The following OTULIN variants were observed in gnomAD, a reference collection of about 807,000 sequenced individuals.
OTULIN encodes the protein ubiquitin thioesterase otulin.
A neutral mutation model predicts 39.6 loss-of-function variants in OTULIN; 15 were observed. The observed-to-expected ratio is 0.38, with a 90% CI of 0.25 to 0.58. The LOEUF (loss-of-function observed/expected upper bound fraction) is 0.58. Ranked by LOEUF, OTULIN falls within the 20% of genes least tolerant of loss-of-function variation. The pLI, the probability that OTULIN is intolerant of heterozygous loss-of-function variation, is 0.66. For missense variants in OTULIN, 319 were observed against 445.9 expected (o/e 0.72, Z 2.56); for synonymous variants, 156 against 170.3 (o/e 0.92, Z 0.65).
the OTULIN span, among the ~76,000 whole-genome samples, chr5:14,712,523 C>T: frequency 6.6e-6 from 1 of 152,254 alleles, no homozygotes; most frequent in African/African-American, 2.4e-5. Context: ...GTATCACTGT[C>T]CCCTCTCCCA....
chr5:14,668,685 G>A (rs1305103253), intron 1 of OTULIN, among the ~76,000 whole-genome samples: 1 of 152,182 alleles, frequency 6.6e-6, no homozygotes, highest in South Asian at 2.1e-4. Context: ...TCTTATAGAC[G>A]ACTAAGGGGA....
chr5:14,714,171 C>A, the OTULIN span, among the ~76,000 whole-genome samples: 225 of 152,360 alleles, frequency 1.5e-3, 1 homozygote, highest in African/African-American at 5.1e-3. Flanking sequence ...CTGTTCTTTC[C>A]CTGGACTGGT....
chr5:14,690,850 C>T lies in OTULIN; in HGVS notation c.864+542C>T, dbSNP rs1219007265. ...CATACTTTACAGTCACCACCGTTAT[C>T]TCAGCCTGGGCTTTATTCTTCAGAG... is the stretch of plus-strand genomic sequence containing the variant. On this transcript the variant is annotated intron_variant, in intron 6 of 6. Transcript: ENST00000284274. The surrounding 1 kb of genome is among the most constrained non-coding windows in gnomAD (Gnocchi z 4.5). 6.6e-6 allele frequency among the ~76,000 whole-genome samples: 1 copy of T among 152,234 alleles called. No homozygotes were observed. The highest frequency in any genetic ancestry group is 2.4e-5 in the African/African-American group (1 of 41,456).
chr5:14,708,359 C>T, the OTULIN span: 14 of 152,194 alleles, frequency 9.2e-5, no homozygotes, highest in African/African-American at 3.1e-4. Context: ...AAAGTCACAC[C>T]TGGTCTTTCC....
rs371139605 is a variant in OTULIN at position 14,665,073 on chromosome 5, T to C, written c.152+96T>C. 5 of 603,250 alleles carry C rather than the reference T, an allele frequency of 8.3e-6. No individual in the cohort carries two copies. In the African/African-American group the frequency reaches 1.1e-4, roughly 13 times the overall value. The allele number at this position is 603,250 out of a possible 1,614,324, so 37.4% of individuals were successfully genotyped here. A position where few individuals can be genotyped will look rare whatever the true frequency, so the allele number is the denominator to read the frequency against. ...GTGGGGAGTCGTCAGCGGAGGGTCC[T>C]GGGCGTCTTCAATTCTGAGTGAGGC... On this transcript the variant is annotated intron_variant, in intron 1 of 6. Coordinates refer to ENST00000284274, the MANE Select transcript of OTULIN (RefSeq NM_138348.6).
rs1008597690 is a variant in OTULIN, at chr5:14,687,409, C to T, written c.469-112C>T. The T allele has an allele frequency of 3.1e-6, 4 of 1,291,750 alleles. No individual in the cohort carries two copies. In the Admixed American group the frequency reaches 7.5e-5, roughly 24 times the overall value. The allele number at this position is 1,291,750 out of a possible 1,614,324, so 80.0% of individuals were successfully genotyped here. On this transcript the variant is annotated intron_variant, in intron 4 of 6. Transcript: ENST00000284274. ...ACATCACAGATTTGCAGAATTAATT[C>T]TGGAAACAAAGTTAGGTTTTATAGA... is the stretch of plus-strand genomic sequence containing the variant.
intron 2 of OTULIN, chr5:14,674,271 G>A (rs910073380): frequency 6.6e-6 from 1 of 152,662 alleles, no homozygotes; most frequent in African/African-American, 2.4e-5. Flanking sequence ...CCCCTCCGCT[G>A]GTCCGTGGAG....
intron 4 of OTULIN, among the ~76,000 whole-genome samples, chr5:14,686,111 G>A (rs1736382189): frequency 6.6e-6 from 1 of 152,110 alleles, no homozygotes; most frequent in South Asian, 2.1e-4. Flanking sequence ...TCCCAATCGT[G>A]GTTCTGTGTT....
chr5:14,714,639 C>A, the OTULIN span, among the ~76,000 whole-genome samples: 1 of 152,166 alleles, frequency 6.6e-6, no homozygotes, highest in Non-Finnish European at 1.5e-5. Context: ...ACTAACGAGG[C>A]TAATTTTCTT....
chr5:14,703,890 G>A (rs1001252073), downstream of OTULIN, among the ~76,000 whole-genome samples: 3 of 152,102 alleles, frequency 2.0e-5, no homozygotes, highest in Admixed American at 6.5e-5. Flanking sequence ...AGTAAGGAAG[G>A]AAATAGGCAA....
At chr5:14,711,125 GGA>G in the OTULIN span, 1 of 1,263,596 alleles carries the variant, frequency 7.9e-7, no homozygotes, top group Non-Finnish European at 1.2e-6. Flanking sequence ...AAATACGATG[GGA>G]GAGGGAAGAG....
Position 14,692,877 on chromosome 5 carries a change from T to C in OTULIN, c.888T>C (p.Tyr296=). The change falls in exon 7 of 7, where the codon TAT becomes TAC. Residue 296 remains tyrosine, a synonymous_variant. Coordinates refer to ENST00000284274, the MANE Select transcript of OTULIN (RefSeq NM_138348.6). ...AGGTTGAAATGTTCCTTCTTGCCTATGCTGTGCGCCACACCATCCAGGTGT... is the reference window on the plus strand; with the variant it reads ...AGGTTGAAATGTTCCTTCTTGCCTACGCTGTGCGCCACACCATCCAGGTGT... ...LEQVEMFLLA[Y]AVRHTIQVYR... 6.2e-7 allele frequency: 1 copy of C among 1,614,164 alleles called. No individual in the cohort carries two copies. The highest frequency in any genetic ancestry group is 8.5e-7 in the Non-Finnish European group (1 of 1,180,030).
At chr5:14,670,989 G>C (rs1350173544) in intron 1 of OTULIN, among the ~76,000 whole-genome samples, 1 of 152,094 alleles carries the variant, frequency 6.6e-6, no homozygotes, top group Non-Finnish European at 1.5e-5. Flanking sequence ...TTATACTCTG[G>C]TTCTCTTATT....
chr5:14,696,629 C>G lies in OTULIN; in HGVS notation c.*3581C>G, dbSNP rs1736675820. On this transcript the variant is annotated 3_prime_UTR_variant, in exon 7 of 7. Transcript: ENST00000284274. ...TAAATGTTAAAATGCCATTCAAGAACAAAACCACAGATGCCATACAGACCT... is the reference window on the plus strand; with the variant it reads ...TAAATGTTAAAATGCCATTCAAGAAGAAAACCACAGATGCCATACAGACCT... 6.6e-6 allele frequency: 1 copy of G among 152,214 alleles called. No homozygotes were observed. The highest frequency in any genetic ancestry group is 2.1e-4 in the South Asian group (1 of 4,836). The allele number at this position is 152,214 out of a possible 1,614,324, so 9.4% of individuals were successfully genotyped here.
intron 4 of OTULIN, among the ~76,000 whole-genome samples, chr5:14,683,102 G>A (rs1272118042): frequency 6.6e-6 from 1 of 152,142 alleles, no homozygotes; most frequent in Non-Finnish European, 1.5e-5. Context: ...CATAAAATCA[G>A]CACACCTATA....
chr5:14,676,734 C>G (rs1054824667), intron 2 of OTULIN, among the ~76,000 whole-genome samples: 1 of 152,218 alleles, frequency 6.6e-6, no homozygotes, highest in African/African-American at 2.4e-5. Context: ...GCTTTCTGTT[C>G]AGGCTCATAA....
intron 4 of OTULIN, 102 bp from the exon 5 acceptor site, chr5:14,687,419 A>G: frequency 7.4e-7 from 1 of 1,358,872 alleles, no homozygotes; most frequent in Non-Finnish European, 1.0e-6. Context: ...CTGGAAACAA[A>G]GTTAGGTTTT....
chr5:14,674,090 C>T (rs2126817150), intron 2 of OTULIN: 1 of 164,634 alleles, frequency 6.1e-6, no homozygotes, highest in East Asian at 1.8e-4. Flanking sequence ...CTGTGCACAT[C>T]TTTGCATGCA....
chr5:14,665,780 GA>G (rs990526676), intron 1 of OTULIN, among the ~76,000 whole-genome samples: 3 of 151,026 alleles, frequency 2.0e-5, no homozygotes, highest in Non-Finnish European at 3.0e-5. Context: ...TAGAACTTTT[GA>G]AAAAAAAATT....
Sources: allele counts gnomAD v4.1 joint callset (sites outside exome capture counted in the v4.1 genomes callset), GRCh38; gene constraint gnomAD v4.1.1; non-coding constraint Gnocchi (gnomAD v3.1); transcripts MANE v1.5; gene names NCBI Gene and HGNC (gene_info 2026-07-23, HGNC 2026-07-21).